The following CRY1 variants were observed in gnomAD, a reference collection of about 807,000 sequenced individuals.
CRY1 encodes cryptochrome circadian regulator 1.
Under a neutral mutation model 76.0 loss-of-function variants are expected in CRY1, and 45 were observed. That is an observed-to-expected ratio of 0.59 (90% confidence interval 0.47 to 0.76). The LOEUF (loss-of-function observed/expected upper bound fraction) is 0.76. CRY1 is among the 30% of genes least tolerant of loss of function. The probability of loss-of-function intolerance (pLI) is 0.00; values close to 1 mark genes in which losing one functional copy is unlikely to be tolerated. For synonymous variants in CRY1, 248 were observed against 244.0 expected, an observed-to-expected ratio of 1.02 and a Z score of -0.15; for missense variants, 587 against 716.4, an observed-to-expected ratio of 0.82 and a Z score of 2.06.
intron 2 of CRY1, among the ~76,000 whole-genome samples, chr12:107,014,073 C>T (rs1394260940): frequency 6.6e-6 from 1 of 152,168 alleles, no homozygotes; most frequent in African/African-American, 2.4e-5. Flanking sequence ...AAAGCTCCCT[C>T]CACCAAGCCA....
chr12:107,066,746 G>GC (rs1953116858), intron 1 of CRY1, among the ~76,000 whole-genome samples: 1 of 151,730 alleles, frequency 6.6e-6, no homozygotes, highest in Non-Finnish European at 1.5e-5. Flanking sequence ...TTACAGGCAT[G>GC]CAACACTGTG....
intron 1 of CRY1, among the ~76,000 whole-genome samples, chr12:107,053,409 C>T (rs544827623): frequency 4.4e-4 from 67 of 152,170 alleles, no homozygotes; most frequent in Admixed American, 7.9e-4. Flanking sequence ...CTCTGCCTCC[C>T]GGGTTCAAGC....
At chr12:107,083,969 T>C (rs1393312730) in intron 1 of CRY1, among the ~76,000 whole-genome samples, 2 of 152,124 alleles carry the variant, frequency 1.3e-5, no homozygotes, top group Admixed American at 6.6e-5. Flanking sequence ...CTCCTTAAGC[T>C]GATAAGCAAC....
At chr12:107,019,367 C>T (rs1272247707) in intron 2 of CRY1, among the ~76,000 whole-genome samples, 1 of 151,978 alleles carries the variant, frequency 6.6e-6, no homozygotes, top group East Asian at 1.9e-4. Context: ...TTTATACAGA[C>T]TACTATATGT....
At chr12:107,035,217 A>T (rs1026409938) in intron 1 of CRY1, among the ~76,000 whole-genome samples, 1 of 152,234 alleles carries the variant, frequency 6.6e-6, no homozygotes, top group Non-Finnish European at 1.5e-5. Context: ...GACTTAGCAC[A>T]TGTAACTATT....
chr12:107,092,953 C>T lies in CRY1; in HGVS notation c.9G>A (p.Val3=), dbSNP rs1438747955. MG[V]NAVHWFRKGL... is the part of the protein sequence containing the mutation. ...CCTTTCGGAACCAGTGCACGGCGTT[C>T]ACCCCCATGCCGGGGGGCGCGGCGG... Residue 3 remains valine (V), a synonymous_variant, in exon 1 of 13, where the codon GTG becomes GTA. Coordinates refer to ENST00000008527, the MANE Select transcript of CRY1 (RefSeq NM_004075.5). The T allele has an allele frequency of 2.6e-6, 4 of 1,553,892 alleles. No homozygotes were observed. The highest frequency in any genetic ancestry group is 1.4e-5 in the African/African-American group (1 of 72,700).
intron 1 of CRY1, among the ~76,000 whole-genome samples, chr12:107,054,650 GA>G (rs112933503): frequency 0.015 from 1,445 of 98,724 alleles, 32 homozygotes; most frequent in African/African-American, 0.047. Flanking sequence ...CAGAAAGTTT[GA>G]AAAAAAAAAA....
intron 2 of CRY1, among the ~76,000 whole-genome samples, chr12:107,018,648 T>C (rs1443408264): frequency 1.3e-5 from 2 of 152,016 alleles, no homozygotes; most frequent in African/African-American, 4.8e-5. Flanking sequence ...AGAATGTTTT[T>C]AAAAAATCTA....
intron 1 of CRY1, among the ~76,000 whole-genome samples, chr12:107,082,726 T>A (rs1352391256): frequency 6.6e-6 from 1 of 151,948 alleles, no homozygotes; most frequent in East Asian, 1.9e-4. Context: ...GCACTAAATG[T>A]CCATATCAGA....
At position 107,092,868 on chromosome 12, in the gene CRY1, G is replaced by A. The variant is rs1953489921; in HGVS notation, c.94C>T (p.Arg32Cys). The change falls in exon 1 of 13, where the codon CGC (arginine) becomes TGC (cysteine). Residue 32 changes from arginine to cysteine, a missense_variant. Physicochemically the swap from Arg to Cys is radical, Grantham distance 180. Coordinates refer to ENST00000008527, the MANE Select transcript of CRY1 (RefSeq NM_004075.5). ...KECIQGADTI[R>C]CVYILDPWFA... ...CAGGGGTCCAGGATGTAGACGCAGCGGATGGTGTCGGCGCCCTGAATGCAC... is the reference window on the plus strand; with the variant it reads ...CAGGGGTCCAGGATGTAGACGCAGCAGATGGTGTCGGCGCCCTGAATGCAC... 3.1e-6 allele frequency: 5 copies of A among 1,610,420 alleles called. No homozygotes were observed. The highest frequency in any genetic ancestry group is 3.4e-6 in the Non-Finnish European group (4 of 1,179,460).
In CRY1 at chr12:107,005,334, T is replaced by C. The variant is rs899478034; in HGVS notation, c.268-86A>G. 21 of 1,380,990 alleles carry C rather than the reference T, an allele frequency of 1.5e-5. No individual in the cohort carries two copies. In the Admixed American group the frequency reaches 3.6e-4, roughly 24 times the overall value. 85.5% of individuals were successfully genotyped at this position (1,380,990 alleles called of 1,614,324 possible). ...ACGAAAAGTGAAAAAGCTGAAAATC[T>C]ACATATCAAAGGATTATACATAAAT... On this transcript the variant is annotated intron_variant, in intron 2 of 12. Coordinates refer to ENST00000008527, the MANE Select transcript of CRY1 (RefSeq NM_004075.5).
chr12:107,078,176 CT>C (rs1481521153), intron 1 of CRY1, among the ~76,000 whole-genome samples: 1 of 152,154 alleles, frequency 6.6e-6, no homozygotes, highest in Non-Finnish European at 1.5e-5. Flanking sequence ...TTTTCTACAA[CT>C]TAACTTTTAT....
At chr12:106,997,830 GGGAATACTTTAA>G in intron 8 of CRY1, 73 bp downstream of exon 8, 1 of 1,549,014 alleles carries the variant, frequency 6.5e-7, no homozygotes, top group Non-Finnish European at 8.8e-7. Flanking sequence ...ATCATGAGTG[GGGAATACTTTAA>G]GCATTGATTA....
At chr12:107,087,693 A>G (rs1953419647) in intron 1 of CRY1, among the ~76,000 whole-genome samples, 2 of 152,138 alleles carry the variant, frequency 1.3e-5, no homozygotes, top group Non-Finnish European at 1.5e-5. Context: ...TTAGACTTTG[A>G]GTTGATGTTG....
At chr12:107,071,227 A>C (rs1953187458) in intron 1 of CRY1, among the ~76,000 whole-genome samples, 1 of 152,178 alleles carries the variant, frequency 6.6e-6, no homozygotes, top group East Asian at 1.9e-4. Context: ...TTACCCATTA[A>C]GCATGATGCT....
intron 2 of CRY1, among the ~76,000 whole-genome samples, chr12:107,009,272 G>A (rs780585198): frequency 6.6e-6 from 1 of 151,802 alleles, no homozygotes; most frequent in South Asian, 2.1e-4. Flanking sequence ...GGCTGGGCAC[G>A]GTGGCTCACA....
intron 1 of CRY1, among the ~76,000 whole-genome samples, chr12:107,079,573 C>G (rs1252211821): frequency 1.3e-5 from 2 of 152,132 alleles, no homozygotes; most frequent in African/African-American, 4.8e-5. Context: ...ACAACATCTC[C>G]TATCTTTTCA....
At chr12:107,088,068 A>G (rs1953424666) in intron 1 of CRY1, among the ~76,000 whole-genome samples, 1 of 152,092 alleles carries the variant, frequency 6.6e-6, no homozygotes, top group Admixed American at 6.6e-5. Flanking sequence ...ATAAATAAAT[A>G]AGACAAGATA....
intron 1 of CRY1, among the ~76,000 whole-genome samples, chr12:107,039,820 A>G (rs1318171153): frequency 6.6e-6 from 1 of 152,198 alleles, no homozygotes; most frequent in African/African-American, 2.4e-5. Flanking sequence ...GTTTTTATCC[A>G]AAAGAACTAA....
Sources: allele counts gnomAD v4.1 joint callset (sites outside exome capture counted in the v4.1 genomes callset), GRCh38; gene constraint gnomAD v4.1.1; transcripts MANE v1.5; gene names NCBI Gene and HGNC (gene_info 2026-07-23, HGNC 2026-07-21).